CYRIB: variants seen among roughly 807,000 people sequenced by gnomAD.
CYRIB encodes the protein CYFIP related Rac1 interactor B, also known as CYFIP-related Rac1 interactor B.
In CYRIB, 8 loss-of-function variants were observed where a neutral mutation model predicts 44.2. That is an observed-to-expected ratio of 0.18 (90% CI 0.11 to 0.33). CYRIB has a LOEUF of 0.33. Ranked by LOEUF, CYRIB falls within the 10% of genes least tolerant of loss-of-function variation. The pLI is 1.00. For missense variants in CYRIB, 185 were observed against 382.8 expected, an observed-to-expected ratio of 0.48 and a Z score of 4.31; for synonymous variants, 131 against 127.2, an observed-to-expected ratio of 1.03 and a Z score of -0.20.
At chr8:129,882,925 C>T in intron 2 of CYRIB, among the ~76,000 whole-genome samples, 1 of 151,760 alleles carries the variant, frequency 6.6e-6, no homozygotes, top group East Asian at 1.9e-4. Context: ...TGGCTGGGCG[C>T]AGTGGCTCAC....
At chr8:129,914,207 A>G (rs1165385886) in intron 1 of CYRIB, among the ~76,000 whole-genome samples, 1 of 152,210 alleles carries the variant, frequency 6.6e-6, no homozygotes, top group Non-Finnish European at 1.5e-5. Flanking sequence ...AAGTGAAGCA[A>G]AGAAACAAAA....
chr8:130,001,507 T>A (rs1347878189), intron 1 of CYRIB, among the ~76,000 whole-genome samples: 15 of 151,564 alleles, frequency 9.9e-5, no homozygotes, highest in Non-Finnish European at 1.8e-4. Flanking sequence ...TCATCTTACC[T>A]TTCCCTGAAA....
At chr8:129,984,169 T>C (rs1017151350) in intron 1 of CYRIB, among the ~76,000 whole-genome samples, 1 of 152,198 alleles carries the variant, frequency 6.6e-6, no homozygotes, top group African/African-American at 2.4e-5. Context: ...CAAGAAGTCC[T>C]ATCCTTAACA....
In CYRIB at chr8:129,862,322, G is replaced by C. The variant is rs562871390; in HGVS notation, c.208C>G (p.Pro70Ala). 6 of 1,611,246 alleles carry C rather than the reference G, an allele frequency of 3.7e-6. No homozygotes were observed. Among genetic ancestry groups the C allele is most frequent in the African/African-American group, 2.7e-5 (2 of 74,654 alleles). ...TTCTCTTGCAACTTCTCATCTGCTGGATGCTGGATTGCCTTCAAAATCCAA... is the reference window on the plus strand; with the variant it reads ...TTCTCTTGCAACTTCTCATCTGCTGCATGCTGGATTGCCTTCAAAATCCAA... Residue 70 changes from proline (P) to alanine (A), a missense_variant, in exon 5 of 12, where the codon CCA (proline) becomes GCA (alanine). By Grantham distance (27) the Pro-to-Ala change is conservative. Transcript: ENST00000519824.
In CYRIB at chr8:129,870,380, G is replaced by A. The variant is rs11992573; in HGVS notation, c.195+995C>T. 9.4e-3 allele frequency among the ~76,000 whole-genome samples: 1,430 copies of A among 152,304 alleles called. 28 individuals are homozygous for A. Among genetic ancestry groups the A allele is most frequent in the African/African-American group, 0.033 (1,373 of 41,576 alleles). On this transcript the variant is annotated intron_variant, in intron 4 of 11. Coordinates refer to ENST00000519824, the Ensembl canonical transcript of CYRIB. ...AGCTGTGGTTGCACCACTGCACTCC[G>A]GCAGGGTGACGGAGCTAAACCCTGT...
chr8:129,900,238 T>C (rs533665352), intron 2 of CYRIB, among the ~76,000 whole-genome samples: 16 of 152,252 alleles, frequency 1.1e-4, no homozygotes, highest in African/African-American at 3.6e-4. Context: ...ACTCTGGCAG[T>C]GCAGCTTTTG....
At chr8:129,920,826 G>T (rs142449488) in intron 1 of CYRIB, among the ~76,000 whole-genome samples, 98 of 152,148 alleles carry the variant, frequency 6.4e-4, no homozygotes, top group Non-Finnish European at 1.1e-3. Context: ...ACGTATTCTA[G>T]ATTTCACTGT....
intron 1 of CYRIB, among the ~76,000 whole-genome samples, chr8:129,918,757 C>G (rs1189055899): frequency 2.0e-5 from 3 of 152,096 alleles, no homozygotes; most frequent in Non-Finnish European, 4.4e-5. Flanking sequence ...AGTATAGATG[C>G]TGAATGAGTG....
At chr8:129,965,012 G>A (rs951706233) in intron 2 of CYRIB, among the ~76,000 whole-genome samples, 9 of 152,152 alleles carry the variant, frequency 5.9e-5, no homozygotes, top group African/African-American at 9.7e-5. Context: ...ATCCTTACCC[G>A]TGTGATCTGT....
At chr8:130,006,040 T>C (rs112040918) in intron 1 of CYRIB, among the ~76,000 whole-genome samples, 7,989 of 152,124 alleles carry the variant, frequency 0.053, 289 homozygotes, top group Non-Finnish European at 0.077. Context: ...CGGTAGCTCA[T>C]GCCTGTAATC....
At chr8:129,932,635 T>C (rs1019014035) in intron 1 of CYRIB, among the ~76,000 whole-genome samples, 1 of 152,200 alleles carries the variant, frequency 6.6e-6, no homozygotes, top group Admixed American at 6.5e-5. Flanking sequence ...TCATGTCTTC[T>C]ACCAGATTCC....
intron 11 of CYRIB, 24 bp from the exon 14 acceptor site, chr8:129,842,229 T>A: frequency 6.5e-7 from 1 of 1,541,820 alleles, no homozygotes; most frequent in Non-Finnish European, 8.9e-7. Context: ...AGAAAAAAGA[T>A]CAATTTTAGG....
chr8:129,983,718 C>G (rs2096341786), intron 1 of CYRIB, among the ~76,000 whole-genome samples: 2 of 152,250 alleles, frequency 1.3e-5, no homozygotes, highest in Middle Eastern at 3.4e-3. Flanking sequence ...TGCGGGGACG[C>G]TGGGGACGCG....
At chr8:129,921,251 A>T (rs775507943) in intron 1 of CYRIB, among the ~76,000 whole-genome samples, 1 of 152,226 alleles carries the variant, frequency 6.6e-6, no homozygotes, top group Admixed American at 6.5e-5. Context: ...TTTGAGATTC[A>T]TAACAATTTA....
intron 2 of CYRIB, among the ~76,000 whole-genome samples, chr8:129,890,903 A>AT (rs1056193953): frequency 5.9e-5 from 9 of 151,776 alleles, no homozygotes; most frequent in Non-Finnish European, 8.8e-5. Flanking sequence ...AAAAGATAAA[A>AT]TTTAAAAAAA....
chr8:129,938,919 T>G (rs2093288185), intron 1 of CYRIB, among the ~76,000 whole-genome samples: 1 of 151,984 alleles, frequency 6.6e-6, no homozygotes, highest in Admixed American at 6.6e-5. Context: ...CAGTTATAGA[T>G]TTGGGTAATT....
At chr8:129,883,378 T>C (rs2061523180) in intron 2 of CYRIB, among the ~76,000 whole-genome samples, 1 of 151,996 alleles carries the variant, frequency 6.6e-6, no homozygotes, top group African/African-American at 2.4e-5. Flanking sequence ...TGAGAATCAC[T>C]ACAACTGTTG....
chr8:129,959,079 A>C (rs1247545954), intron 2 of CYRIB, among the ~76,000 whole-genome samples: 4 of 151,274 alleles, frequency 2.6e-5, no homozygotes, highest in Admixed American at 1.3e-4. Flanking sequence ...AAAAAAAAAA[A>C]AAAAACAAAG....
intron 3 of CYRIB, among the ~76,000 whole-genome samples, chr8:129,877,671 T>A (rs1235073041): frequency 7.2e-6 from 1 of 139,792 alleles, no homozygotes; most frequent in South Asian, 2.2e-4. Flanking sequence ...AAGGTGTGTG[T>A]GTGTGTGTGT....
Sources: gnomAD v4.1 joint callset for allele counts (sites outside exome capture counted in the v4.1 genomes callset) on GRCh38, gnomAD v4.1.1 for gene constraint, MANE v1.5 for transcripts, NCBI Gene and HGNC (gene_info 2026-07-23, HGNC 2026-07-21) for gene names.